The following DMD variants were observed in gnomAD, a reference collection of about 807,000 sequenced individuals.
DMD encodes the protein mutant dystrophin.
In DMD, 63 loss-of-function variants were observed where a neutral mutation model predicts 330.1. The observed-to-expected ratio is 0.19, with a 90% confidence interval of 0.16 to 0.24. The LOEUF (loss-of-function observed/expected upper bound fraction) is 0.24. DMD is among the 10% of genes least tolerant of loss of function. DMD has a pLI of 1.00. For missense variants in DMD, 3,344 were observed against 2,684.1 expected, an observed-to-expected ratio of 1.25 and a Z score of -5.43; for synonymous variants, 1,223 against 959.8, an observed-to-expected ratio of 1.27 and a Z score of -5.07.
intron 18 of DMD, among the ~76,000 whole-genome samples, chrX:32,504,299 T>C (rs1253814498): frequency 8.9e-6 from 1 of 112,058 alleles, no homozygotes; most frequent in Non-Finnish European, 1.9e-5. Context: ...CAAATTCACT[T>C]TAAAATTTCA....
At chrX:31,894,664 G>A (rs112397945) in intron 47 of DMD, among the ~76,000 whole-genome samples, 5,023 of 111,946 alleles carry the variant, frequency 0.045, 263 homozygotes, top group African/African-American at 0.15. Flanking sequence ...GGCTGTGTGA[G>A]GAGATTCTTC....
chrX:32,323,107 C>G (rs1266853171), intron 41 of DMD, among the ~76,000 whole-genome samples: 1 of 111,901 alleles, frequency 8.9e-6, no homozygotes, highest in Non-Finnish European at 1.9e-5. Context: ...CATGTACAGA[C>G]ATTTTTATTG....
rs766860403 is a variant in DMD, at chrX:32,965,802, AG to A, written c.93+54336del. Among the ~76,000 whole-genome samples the A allele has an allele frequency of 3.5e-3, 392 of 112,111 alleles. 1 individual carries two copies. The highest frequency in any genetic ancestry group is 0.012 in the African/African-American group (378 of 30,881). On this transcript the variant is annotated intron_variant, in intron 2 of 78. Coordinates refer to ENST00000357033, the MANE Select transcript of DMD (RefSeq NM_004006.3). ...TCAGCCTAAGAATAAATATGTCTTA[AG>A]TTATCCCCTTTACCTCATCTTGGCT...
chrX:31,983,643 T>C (rs1030155402), intron 44 of DMD, among the ~76,000 whole-genome samples: 8 of 111,658 alleles, frequency 7.2e-5, no homozygotes, highest in Non-Finnish European at 1.3e-4. Flanking sequence ...TCTGGCATGA[T>C]CTTCTGTTAA....
At chrX:32,656,288 C>T (rs983015587) in intron 9 of DMD, among the ~76,000 whole-genome samples, 4 of 111,795 alleles carry the variant, frequency 3.6e-5, no homozygotes, top group South Asian at 3.7e-4. Flanking sequence ...TATCCTCAAC[C>T]GTGACTACGA....
intron 53 of DMD, among the ~76,000 whole-genome samples, chrX:31,663,307 C>T (rs1462240506): frequency 9.0e-6 from 1 of 111,104 alleles, no homozygotes; most frequent in African/African-American, 3.3e-5. Flanking sequence ...TAAAACTTGT[C>T]GGTTCCCCAG....
chrX:32,515,204 G>A (rs749534970), intron 18 of DMD, among the ~76,000 whole-genome samples: 2 of 111,113 alleles, frequency 1.8e-5, no homozygotes, highest in African/African-American at 6.5e-5. Flanking sequence ...TGAGCCTGCC[G>A]AGTGAGAGTG....
intron 1 of DMD, among the ~76,000 whole-genome samples, chrX:33,315,298 G>T (rs758867883): frequency 8.9e-6 from 1 of 112,282 alleles, no homozygotes; most frequent in African/African-American, 3.2e-5. Flanking sequence ...ACATTCCAAA[G>T]AAATATCTGG....
intron 51 of DMD, among the ~76,000 whole-genome samples, chrX:31,751,604 T>G (rs2088581024): frequency 8.9e-6 from 1 of 112,146 alleles, no homozygotes; most frequent in African/African-American, 3.2e-5. Flanking sequence ...ATTTGTCACC[T>G]TTTGTTCTAA....
chrX:32,469,593 T>A (rs911461874), intron 22 of DMD, among the ~76,000 whole-genome samples: 1 of 111,494 alleles, frequency 9.0e-6, no homozygotes, highest in Non-Finnish European at 1.9e-5. Flanking sequence ...TTTACTTTAC[T>A]TTTTTAAGTT....
chrX:32,247,034 G>A (rs191507249), intron 43 of DMD, among the ~76,000 whole-genome samples: 6 of 111,939 alleles, frequency 5.4e-5, no homozygotes, highest in Admixed American at 4.8e-4. Context: ...TTATAGCCAT[G>A]TAGGTAATTT....
intron 44 of DMD, among the ~76,000 whole-genome samples, chrX:32,029,996 C>G (rs1024193359): frequency 9.0e-6 from 1 of 111,558 alleles, no homozygotes; most frequent in Non-Finnish European, 1.9e-5. Flanking sequence ...AGAAATCACT[C>G]GACGATAAAT....
intron 55 of DMD, among the ~76,000 whole-genome samples, chrX:31,536,764 C>T (rs1265180190): frequency 8.9e-6 from 1 of 111,867 alleles, no homozygotes; most frequent in Non-Finnish European, 1.9e-5. Flanking sequence ...TCCTTCCTAT[C>T]TGAAGCTAAT....
intron 55 of DMD, among the ~76,000 whole-genome samples, chrX:31,535,629 T>C (rs1603337896): frequency 9.0e-6 from 1 of 110,846 alleles, no homozygotes; most frequent in East Asian, 2.8e-4. Context: ...AAAGCCAAAA[T>C]TGACAAATGG....
chrX:32,758,087 G>A (rs753591374), intron 7 of DMD, among the ~76,000 whole-genome samples: 1 of 112,089 alleles, frequency 8.9e-6, no homozygotes, highest in African/African-American at 3.2e-5. Context: ...GTTCAACAAT[G>A]TTATCTTTAT....
intron 1 of DMD, among the ~76,000 whole-genome samples, chrX:33,275,318 A>T (rs995866923): frequency 4.6e-5 from 5 of 109,720 alleles, no homozygotes; most frequent in Non-Finnish European, 7.5e-5. Context: ...TATAAATCTC[A>T]GCTCTACCAC....
chrX:31,610,604 CAT>C (rs2077859483), intron 55 of DMD, among the ~76,000 whole-genome samples: 1 of 111,952 alleles, frequency 8.9e-6, no homozygotes, highest in African/African-American at 3.2e-5. Flanking sequence ...TATAATGAAA[CAT>C]GTTTAACAAA....
intron 44 of DMD, among the ~76,000 whole-genome samples, chrX:32,183,584 ATATATG>A (rs1474640011): frequency 9.7e-6 from 1 of 103,155 alleles, no homozygotes; most frequent in Non-Finnish European, 2.0e-5. Flanking sequence ...ATATATATAT[ATATATG>A]TATGTATACA....
intron 44 of DMD, chrX:32,102,261 A>G (rs1451618637): frequency 8.9e-6 from 1 of 112,039 alleles, no homozygotes; most frequent in Non-Finnish European, 1.9e-5. Context: ...GTATTCTGTT[A>G]CAAGCAACAG....
Sources: allele counts gnomAD v4.1 joint callset (sites outside exome capture counted in the v4.1 genomes callset), GRCh38; gene constraint gnomAD v4.1.1; transcripts MANE v1.5; gene names NCBI Gene and HGNC (gene_info 2026-07-23, HGNC 2026-07-21).